Variants in DBH observed in about 807,000 individuals in gnomAD.
The protein encoded by DBH is dopamine beta-hydroxylase.
A neutral mutation model predicts 64.0 loss-of-function variants in DBH; 49 were observed. The ratio of observed to expected loss-of-function variants is 0.77; its 90% CI spans 0.61 to 0.97. The LOEUF is 0.97. Among genes scored for constraint, DBH ranks in the 50% least tolerant of loss-of-function variants. The pLI, the probability that DBH is intolerant of heterozygous loss-of-function variation, is 0.00. For missense variants in DBH, 828 were observed against 826.6 expected (o/e 1.00, Z -0.02); for synonymous variants, 343 against 347.1 (o/e 0.99, Z 0.13).
At chr9:133,639,708 G>C in intron 1 of DBH, 138 bp from the exon 2 acceptor site, 1 of 920,214 alleles carries the variant, frequency 1.1e-6, no homozygotes, top group Non-Finnish European at 1.7e-6. Flanking sequence ...AGAACCCTCA[G>C]ATCCACAGGG....
intron 11 of DBH, chr9:133,657,457 AGGGAGAG>A (rs1832345483): frequency 3.5e-6 from 1 of 286,752 alleles, no homozygotes; most frequent in African/African-American, 3.9e-5. Flanking sequence ...GAGAGGAGAG[AGGGAGAG>A]GGAGAGAGGG....
At chr9:133,657,419 A>T in intron 11 of DBH, 190 bp downstream of exon 11, 2 of 390,018 alleles carry the variant, frequency 5.1e-6, no homozygotes, top group Non-Finnish European at 9.3e-6. Flanking sequence ...GAGAGAGGAG[A>T]GAGAGGAGAG....
chr9:133,645,544 T>C (rs1340217495), intron 5 of DBH, among the ~76,000 whole-genome samples: 2 of 152,218 alleles, frequency 1.3e-5, no homozygotes, highest in African/African-American at 2.4e-5. Context: ...AATTATTTCA[T>C]GATTTAATCC....
chr9:133,641,866 A>G (rs1374043844), intron 2 of DBH, among the ~76,000 whole-genome samples: 1 of 152,224 alleles, frequency 6.6e-6, no homozygotes, highest in African/African-American at 2.4e-5. Context: ...CCCAGTCCCC[A>G]GTGACCTTGG....
In DBH at chr9:133,647,939, C is replaced by T. The variant is rs2131288866; in HGVS notation, c.1118C>T (p.Pro373Leu). 1.2e-6 allele frequency: 2 copies of T among 1,614,146 alleles called. No homozygotes were observed. The highest frequency in any genetic ancestry group is 1.7e-6 in the Non-Finnish European group (2 of 1,180,030). The change falls in exon 6 of 12, where the codon CCA (proline) becomes CTA (leucine). Residue 373 changes from proline to leucine, a missense_variant. Transcript: ENST00000393056. ...ATGGAGCTGGGACTGGTGTACACGC[C>T]AGTGATGGCCATTCCACCACGGGAG... ...GIMELGLVYTPVMAIPPRETA... is the reference protein window; with the variant it reads ...GIMELGLVYTLVMAIPPRETA...
Position 133,643,551 on chromosome 9 carries a change from TGCCGCCACGTGCTG to T in DBH, c.890_903del (p.His297LeufsTer275), listed in dbSNP as rs1474535362. ...GATGAAACCCGACCGCCTCAACTAC[TGCCGCCACGTGCTG>T]GCCGCCTGGGCCCTGGGTGCCAAGG... On this transcript the variant is annotated frameshift_variant, in exon 4 of 12. Transcript: ENST00000393056. LOFTEE classifies it high-confidence loss of function. This position sits in a 1 kb window ranked among gnomAD's most constrained non-coding sequence, Gnocchi z 5.3. 6.2e-7 allele frequency: 1 copy of T among 1,613,184 alleles called. No homozygotes were observed. The highest frequency in any genetic ancestry group is 8.5e-7 in the Non-Finnish European group (1 of 1,179,914).
At chr9:133,657,811 G>A (rs1406476251) in intron 11 of DBH, among the ~76,000 whole-genome samples, 4 of 152,204 alleles carry the variant, frequency 2.6e-5, no homozygotes, top group East Asian at 1.9e-4. Context: ...GTCGCGTAAG[G>A]TGCCGCAGCC....
At chr9:133,650,487 TTTC>T (rs1490105218) in intron 6 of DBH, among the ~76,000 whole-genome samples, 3 of 146,398 alleles carry the variant, frequency 2.0e-5, no homozygotes, top group Non-Finnish European at 4.4e-5. Context: ...TTTCTTTTTC[TTTC>T]TTTTCTTTCC....
At chr9:133,646,253 G>T (rs1351965055) in intron 5 of DBH, among the ~76,000 whole-genome samples, 1 of 151,666 alleles carries the variant, frequency 6.6e-6, no homozygotes, top group Admixed American at 6.6e-5. Flanking sequence ...ACTCCTTGCC[G>T]CCTGACATCC....
At chr9:133,648,133 C>A in intron 6 of DBH, 121 bp downstream of exon 6, 1 of 1,167,178 alleles carries the variant, frequency 8.6e-7, no homozygotes, top group Non-Finnish European at 1.2e-6. Context: ...GACCCTGAAT[C>A]CCCCTGCGGT....
intron 9 of DBH, 104 bp from the exon 10 acceptor site, chr9:133,656,419 A>G: frequency 6.6e-7 from 1 of 1,521,482 alleles, no homozygotes; most frequent in Non-Finnish European, 9.1e-7. Flanking sequence ...CGGTGCAGTG[A>G]ACAGACGAGT....
chr9:133,637,011 G>A (rs975901028), intron 1 of DBH, among the ~76,000 whole-genome samples: 3 of 152,092 alleles, frequency 2.0e-5, no homozygotes, highest in Admixed American at 6.6e-5. Context: ...ACACACACTC[G>A]TGCCGCTCCA....
At chr9:133,646,308 C>A (rs1207882891) in intron 5 of DBH, among the ~76,000 whole-genome samples, 1 of 142,862 alleles carries the variant, frequency 7.0e-6, no homozygotes, top group Non-Finnish European at 1.5e-5. Flanking sequence ...TGCTGCACAG[C>A]CCCTCCAGAC....
chr9:133,637,582 G>A (rs1832068033), intron 1 of DBH, among the ~76,000 whole-genome samples: 1 of 152,248 alleles, frequency 6.6e-6, no homozygotes, highest in African/African-American at 2.4e-5. Flanking sequence ...CTTTATCTGG[G>A]AGTGCCGAGC....
rs1415069304 is a variant in DBH, at chr9:133,652,940, G to GGAGAT, written c.1377_1381dup (p.Val461GlufsTer94). The GGAGAT allele has an allele frequency of 6.2e-7, 1 of 1,613,258 alleles. No homozygotes were observed. Among genetic ancestry groups the GGAGAT allele is most frequent in the Non-Finnish European group, 8.5e-7 (1 of 1,179,684 alleles). ...GATGGTCACATTGGCTTTTCCTCAG[G>GGAGAT]GAGATGTGCTCATCACCTCCTGCAC... On this transcript the variant is annotated frameshift_variant and splice_region_variant, in exon 9 of 12. Transcript: ENST00000393056. LOFTEE classifies it high-confidence loss of function.
At chr9:133,646,497 T>C (rs62575417) in intron 5 of DBH, among the ~76,000 whole-genome samples, 10,551 of 152,280 alleles carry the variant, frequency 0.069, 454 homozygotes, top group Non-Finnish European at 0.1. Flanking sequence ...GTTGTGAGGA[T>C]GTTCGAGTGG....
intron 2 of DBH, among the ~76,000 whole-genome samples, chr9:133,641,418 C>T (rs1228368467): frequency 1.3e-5 from 2 of 152,316 alleles, no homozygotes; most frequent in East Asian, 3.9e-4. Flanking sequence ...CCTGTGTGTG[C>T]TCAGCCCAGT....
rs1832138454 is a variant in DBH at position 133,643,231 on chromosome 9, G to A, written c.745-182G>A. Among the ~76,000 whole-genome samples, 5 of 152,208 alleles carry A rather than the reference G, an allele frequency of 3.3e-5. No homozygotes were observed. Among genetic ancestry groups the A allele is most frequent in the East Asian group, 3.9e-4 (2 of 5,168 alleles). ...TTTCCTTCACTCTGGAGCTGCCTAC[G>A]GGATTTCTTTCTGGGCTGATGGCTC... On this transcript the variant is annotated intron_variant, in intron 3 of 11. Transcript: ENST00000393056. This position sits in a 1 kb window ranked among gnomAD's most constrained non-coding sequence, Gnocchi z 5.3.
chr9:133,657,453 AGAGAGG>A (rs1214918351), intron 11 of DBH: 8 of 255,604 alleles, frequency 3.1e-5, no homozygotes, highest in African/African-American at 1.5e-4. Flanking sequence ...GAGAGAGAGG[AGAGAGG>A]GAGAGGGAGA....
Sources: gnomAD v4.1 joint callset for allele counts (sites outside exome capture counted in the v4.1 genomes callset) on GRCh38, gnomAD v4.1.1 for gene constraint, Gnocchi (gnomAD v3.1) non-coding constraint, MANE v1.5 for transcripts, NCBI Gene and HGNC (gene_info 2026-07-23, HGNC 2026-07-21) for gene names.